FHOD3: variants seen among roughly 807,000 people sequenced by gnomAD.
FHOD3 encodes FH1/FH2 domain-containing protein 3.
FHOD3 carries 90 observed loss-of-function variants against 173.0 expected under a neutral mutation model. The observed-to-expected ratio is 0.52, with a 90% CI of 0.44 to 0.62. The LOEUF (loss-of-function observed/expected upper bound fraction) is 0.62, where lower values mean the gene tolerates loss of function less well. FHOD3 is among the 20% of genes least tolerant of loss of function. FHOD3 has a pLI of 0.00. For synonymous variants in FHOD3, 828 were observed against 823.0 expected (o/e 1.01, Z -0.10); for missense variants, 1,945 against 2,034.7 (o/e 0.96, Z 0.85).
intron 17 of FHOD3, among the ~76,000 whole-genome samples, chr18:36,706,756 G>A (rs953905410): frequency 2.0e-5 from 3 of 152,200 alleles, no homozygotes; most frequent in Admixed American, 6.5e-5. Flanking sequence ...TAATGAAGCC[G>A]CCAGGAGGGG....
rs74744014 is a variant in FHOD3, at chr18:36,375,794, G to A, written c.337+3050G>A. On this transcript the variant is annotated intron_variant, in intron 3 of 28. Transcript: ENST00000590592. Reference sequence around the variant, plus strand: ...TGTAGTGGCTCTGAAGCATTTGGCCGGAGGTTGGAATGAGATTTTGGTATA... The same window carrying A: ...TGTAGTGGCTCTGAAGCATTTGGCCAGAGGTTGGAATGAGATTTTGGTATA... Among the ~76,000 whole-genome samples, 624 of 152,204 alleles carry A rather than the reference G, an allele frequency of 4.1e-3. 24 individuals carry two copies. In the East Asian group the frequency reaches 0.094, roughly 23 times the overall value.
intron 1 of FHOD3, among the ~76,000 whole-genome samples, chr18:36,302,401 C>T (rs1206052233): frequency 3.3e-5 from 5 of 152,282 alleles, no homozygotes; most frequent in South Asian, 2.1e-4. Flanking sequence ...CCCTCCCCCC[C>T]GACCTGCTGA....
At chr18:36,557,524 C>A (rs1040727802) in intron 5 of FHOD3, among the ~76,000 whole-genome samples, 1 of 152,092 alleles carries the variant, frequency 6.6e-6, no homozygotes, top group South Asian at 2.1e-4. Context: ...TACTACTTAA[C>A]TTTTTGAATA....
intron 25 of FHOD3, among the ~76,000 whole-genome samples, 171 bp from the exon 26 acceptor site, chr18:36,758,947 G>A (rs1364680540): frequency 6.6e-6 from 1 of 152,236 alleles, no homozygotes; most frequent in Non-Finnish European, 1.5e-5. Flanking sequence ...ATGAGGACAA[G>A]AGGGTGGGGC....
intron 20 of FHOD3, 127 bp from the exon 21 acceptor site, chr18:36,740,529 C>A: frequency 1.0e-6 from 1 of 964,794 alleles, no homozygotes; most frequent in Non-Finnish European, 1.5e-6. Flanking sequence ...TGGTTTATGA[C>A]AATATAACAC....
intron 3 of FHOD3, among the ~76,000 whole-genome samples, chr18:36,381,288 C>T (rs767604383): frequency 6.6e-6 from 1 of 152,162 alleles, no homozygotes; most frequent in Non-Finnish European, 1.5e-5. Flanking sequence ...TGGACTTCAC[C>T]CTTAAAGAGC....
intron 3 of FHOD3, among the ~76,000 whole-genome samples, chr18:36,490,756 T>G (rs969406914): frequency 1.3e-5 from 2 of 152,142 alleles, no homozygotes; most frequent in African/African-American, 4.8e-5. Flanking sequence ...TACTCTCCCA[T>G]TTGGCATAGC....
chr18:36,333,852 G>C (rs2045154292), intron 1 of FHOD3, among the ~76,000 whole-genome samples: 1 of 152,190 alleles, frequency 6.6e-6, no homozygotes, highest in South Asian at 2.1e-4. Context: ...AGTCAACCTG[G>C]ATGGACAACT....
chr18:36,628,912 T>C (rs1289027121), intron 10 of FHOD3, among the ~76,000 whole-genome samples: 1 of 152,220 alleles, frequency 6.6e-6, no homozygotes, highest in Admixed American at 6.5e-5. Context: ...TGTGTGTCAG[T>C]CCTTCTGATA....
At chr18:36,489,527 C>T (rs1395277057) in intron 3 of FHOD3, among the ~76,000 whole-genome samples, 1 of 152,066 alleles carries the variant, frequency 6.6e-6, no homozygotes, top group African/African-American at 2.4e-5. Context: ...TAAAAATTAG[C>T]CAGGCATGGT....
chr18:36,519,984 A>G (rs1299036968), intron 5 of FHOD3, among the ~76,000 whole-genome samples: 2 of 124,728 alleles, frequency 1.6e-5, no homozygotes, highest in African/African-American at 3.1e-5. Context: ...AAAGAGATGT[A>G]GTTTTAGTCT....
chr18:36,520,830 CTCACT>C (rs1326036414), intron 5 of FHOD3, among the ~76,000 whole-genome samples: 1 of 152,240 alleles, frequency 6.6e-6, no homozygotes, highest in Non-Finnish European at 1.5e-5. Context: ...ACGACCAAAT[CTCACT>C]TCTGTGTTCA....
At position 36,355,561 on chromosome 18, in the gene FHOD3, T is replaced by C. The variant is rs773385791; in HGVS notation, c.188T>C (p.Leu63Pro). ...CAGCTGGATGACTGTACTCTGCAGC[T>C]CTCTCACAATGGCGCCTACCTGGAT... ...PHKLDDCTLQLSHNGAYLDLE... is the reference protein window; with the variant it reads ...PHKLDDCTLQPSHNGAYLDLE... Residue 63 changes from leucine (L) to proline (P), a missense_variant, in exon 2 of 29, where the codon CTC becomes CCC. Physicochemically the swap from Leu to Pro is moderately conservative, Grantham distance 98. Coordinates refer to ENST00000590592, the MANE Select transcript of FHOD3 (RefSeq NM_001281740.3). The C allele has an allele frequency of 6.2e-7, 1 of 1,614,020 alleles. No individual in the cohort carries two copies.
intron 3 of FHOD3, among the ~76,000 whole-genome samples, chr18:36,403,297 C>T (rs909738446): frequency 2.6e-5 from 4 of 152,186 alleles, no homozygotes; most frequent in African/African-American, 9.7e-5. Flanking sequence ...TAAGACATTG[C>T]ATAAGGTGAA....
intron 3 of FHOD3, among the ~76,000 whole-genome samples, chr18:36,458,697 T>G (rs1189026945): frequency 1.4e-5 from 2 of 147,638 alleles, no homozygotes; most frequent in African/African-American, 2.6e-5. Flanking sequence ...TTGGAAAAAT[T>G]TAAACTTTCC....
At chr18:36,706,435 A>G (rs1023428440) in intron 17 of FHOD3, among the ~76,000 whole-genome samples, 1 of 152,168 alleles carries the variant, frequency 6.6e-6, no homozygotes, top group Admixed American at 6.5e-5. Context: ...TGAAATCACA[A>G]ATTGAAATAC....
intron 1 of FHOD3, among the ~76,000 whole-genome samples, chr18:36,309,982 T>A: frequency 6.6e-6 from 1 of 152,226 alleles, no homozygotes; most frequent in East Asian, 1.9e-4. Context: ...TCATGACCAA[T>A]GCACTGTAAT....
intron 3 of FHOD3, among the ~76,000 whole-genome samples, chr18:36,373,158 A>G (rs933249964): frequency 2.0e-4 from 30 of 152,358 alleles, no homozygotes; most frequent in Admixed American, 1.5e-3. Context: ...GGGTCAGTGC[A>G]GGATGAGGGT....
chr18:36,737,261 G>A (rs1473676287), intron 20 of FHOD3, among the ~76,000 whole-genome samples: 4 of 152,202 alleles, frequency 2.6e-5, no homozygotes, highest in African/African-American at 7.2e-5. Flanking sequence ...TTCATCACAG[G>A]AAGATGTCTT....
Sources: gnomAD v4.1 joint callset for allele counts (sites outside exome capture counted in the v4.1 genomes callset) on GRCh38, gnomAD v4.1.1 for gene constraint, MANE v1.5 for transcripts, NCBI Gene and HGNC (gene_info 2026-07-23, HGNC 2026-07-21) for gene names.